ANK1: variants seen among roughly 807,000 people sequenced by gnomAD.
ANK1 encodes the protein ankyrin 1.
A neutral mutation model predicts 210.4 loss-of-function variants in ANK1; 51 were observed. The observed-to-expected ratio is 0.24, with a 90% CI of 0.19 to 0.31. ANK1 has a LOEUF of 0.31. ANK1 is among the 10% of genes least tolerant of loss of function. The pLI is 1.00. For synonymous variants in ANK1, 967 were observed against 1,025.9 expected (o/e 0.94, Z 1.10); for missense variants, 2,051 against 2,504.4 (o/e 0.82, Z 3.86).
chr8:41,781,396 T>C (rs1315966913), intron 1 of ANK1, among the ~76,000 whole-genome samples: 1 of 152,212 alleles, frequency 6.6e-6, no homozygotes, highest in Non-Finnish European at 1.5e-5. Flanking sequence ...AGACGCCTTT[T>C]AGGCAGAATT....
At chr8:41,816,243 A>G (rs1803307787) in intron 1 of ANK1, among the ~76,000 whole-genome samples, 1 of 152,178 alleles carries the variant, frequency 6.6e-6, no homozygotes, top group Non-Finnish European at 1.5e-5. Flanking sequence ...TAAAAAGTTA[A>G]ATAATTGGAC....
chr8:41,822,064 A>AAGAGAGAGAGAGAGAGAGAGAG (rs10605195), intron 1 of ANK1, among the ~76,000 whole-genome samples: 3 of 36,236 alleles, frequency 8.3e-5, no homozygotes, highest in African/African-American at 1.5e-4. Context: ...GAAAGAAAGA[A>AAGAGAGAGAGAGAGAGAGAGAG]AGAGAGAGAG....
At chr8:41,723,721 C>G in intron 7 of ANK1, 88 bp from the exon 8 acceptor site, 1 of 1,126,086 alleles carries the variant, frequency 8.9e-7, no homozygotes, top group Non-Finnish European at 1.3e-6. Context: ...CCCCAGCCCC[C>G]AGTCCCCAGG....
At chr8:41,875,621 T>C (rs1473530960) in intron 1 of ANK1, among the ~76,000 whole-genome samples, 1 of 152,226 alleles carries the variant, frequency 6.6e-6, no homozygotes, top group Non-Finnish European at 1.5e-5. Flanking sequence ...TTTCTCCTCC[T>C]GTGCCAGGGA....
Position 41,725,856 on chromosome 8 carries a change from G to C in ANK1, c.517C>G (p.Arg173Gly). The change falls in exon 6 of 43, where the codon CGC becomes GGC. Residue 173 changes from arginine (R) to glycine (G), a missense_variant. This residue lies in a region of ANK1 where 1,413 missense variants were observed against 1,707.4 expected (regional missense o/e 0.83). Transcript: ENST00000289734. ...LINYGTKGKV[R>G]LPALHIAARN... ...GCCGCGATGTGCAGGGCCGGGAGGC[G>C]CACCTTCCCCTTGGTGCCGTAGTTG... 1.2e-6 allele frequency: 2 copies of C among 1,611,826 alleles called. No individual in the cohort carries two copies. Among genetic ancestry groups the C allele is most frequent in the Non-Finnish European group, 1.7e-6 (2 of 1,179,504 alleles).
chr8:41,830,280 A>G (rs1189784331), intron 1 of ANK1, among the ~76,000 whole-genome samples: 1 of 150,316 alleles, frequency 6.7e-6, no homozygotes, highest in African/African-American at 2.5e-5. Context: ...TTCAAAATAC[A>G]CACATTTCTA....
intron 39 of ANK1, chr8:41,664,843 T>C: frequency 1.9e-6 from 3 of 1,612,576 alleles, no homozygotes; most frequent in East Asian, 2.2e-5. Flanking sequence ...CTGGTGGAGA[T>C]GGTCTCCTCG....
chr8:41,710,895 G>A (rs1235320526), intron 16 of ANK1, among the ~76,000 whole-genome samples: 1 of 152,268 alleles, frequency 6.6e-6, no homozygotes, highest in African/African-American at 2.4e-5. Context: ...GGGCCCATAG[G>A]TGGCTTTTGT....
At chr8:41,673,738 C>G (rs1428233231) in intron 37 of ANK1, among the ~76,000 whole-genome samples, 1 of 152,216 alleles carries the variant, frequency 6.6e-6, no homozygotes, top group East Asian at 1.9e-4. Context: ...GCCCTGAGTG[C>G]ATGACCCGTG....
At chr8:41,660,246 T>TC in intron 42 of ANK1, among the ~76,000 whole-genome samples, 1 of 152,096 alleles carries the variant, frequency 6.6e-6, no homozygotes, top group Admixed American at 6.5e-5. Flanking sequence ...TGCTGAGATA[T>TC]ATTGGGAAGC....
chr8:41,786,294 G>T (rs1846383171), intron 1 of ANK1, among the ~76,000 whole-genome samples: 1 of 152,078 alleles, frequency 6.6e-6, no homozygotes, highest in Admixed American at 6.5e-5. Context: ...TCTACAGGCA[G>T]CCCTGGGTGT....
intron 37 of ANK1, among the ~76,000 whole-genome samples, chr8:41,679,858 C>T (rs973972891): frequency 2.6e-5 from 4 of 152,034 alleles, no homozygotes; most frequent in African/African-American, 9.7e-5. Flanking sequence ...GCCACCGCGC[C>T]CGGCCTTCCT....
chr8:41,699,357 G>A, intron 23 of ANK1, 95 bp downstream of exon 23: 1 of 1,175,302 alleles, frequency 8.5e-7, no homozygotes, highest in Non-Finnish European at 1.3e-6. Flanking sequence ...CCCAGCGCCT[G>A]GCCTGCTGTG....
chr8:41,871,874 T>C (rs941751529), intron 1 of ANK1, among the ~76,000 whole-genome samples: 3 of 152,084 alleles, frequency 2.0e-5, no homozygotes, highest in African/African-American at 7.2e-5. Context: ...GCTTGCTTGC[T>C]CTGAACCCAC....
At chr8:41,698,223 G>A in intron 23 of ANK1, 102 bp from the exon 24 acceptor site, 1 of 1,146,742 alleles carries the variant, frequency 8.7e-7, no homozygotes, top group Admixed American at 1.9e-5. Context: ...TTCCACTCCA[G>A]AGCCTGACTG....
Position 41,661,542 on chromosome 8 carries a change from A to G in ANK1, c.5567T>C (p.Leu1856Pro). ...CCTGCCCTCTATCAGGTCCGGCTGTAGGCCACTCCCTCTCAGCTCCACCTG... is the reference window on the plus strand; with the variant it reads ...CCTGCCCTCTATCAGGTCCGGCTGTGGGCCACTCCCTCTCAGCTCCACCTG... ...HEEVELRGSG[L>P]QPDLIEGRKG... The change falls in exon 42 of 43, where the codon CTA (leucine) becomes CCA (proline). Residue 1856 changes from leucine to proline, a missense_variant. Leu to Pro is a moderately conservative substitution (Grantham distance 98, BLOSUM62 -3). Coordinates refer to ENST00000289734, the MANE Select transcript of ANK1 (RefSeq NM_000037.4). The G allele has an allele frequency of 1.2e-6, 2 of 1,614,024 alleles. No individual in the cohort carries two copies. Among genetic ancestry groups the G allele is most frequent in the Non-Finnish European group, 1.7e-6 (2 of 1,180,026 alleles).
At chr8:41,786,661 C>CA (rs1399487731) in intron 1 of ANK1, among the ~76,000 whole-genome samples, 1 of 152,208 alleles carries the variant, frequency 6.6e-6, no homozygotes, top group Non-Finnish European at 1.5e-5. Context: ...CAGCACTCAC[C>CA]ACCAGGCCCC....
intron 1 of ANK1, among the ~76,000 whole-genome samples, chr8:41,887,386 G>A (rs1398445480): frequency 6.6e-6 from 1 of 151,542 alleles, no homozygotes; most frequent in East Asian, 1.9e-4. Flanking sequence ...GAGTAGGTGG[G>A]ACTACAGGCA....
At position 41,686,288 on chromosome 8, in the gene ANK1, A is replaced by C; in HGVS notation, c.4259-5T>G. 6.2e-7 allele frequency: 1 copy of C among 1,613,442 alleles called. No homozygotes were observed. The highest frequency in any genetic ancestry group is 8.5e-7 in the Non-Finnish European group (1 of 1,180,014). On this transcript the variant is annotated splice_polypyrimidine_tract_variant and splice_region_variant and intron_variant, in intron 35 of 42. Coordinates refer to ENST00000289734, the MANE Select transcript of ANK1 (RefSeq NM_000037.4). ...ACTGCAGCTCCCGGGCCAACTCTGC[A>C]AGCAAAGAACCAACAGCAGATGTGA...
Sources: gnomAD v4.1 joint callset for allele counts (sites outside exome capture counted in the v4.1 genomes callset) on GRCh38, gnomAD v4.1.1 for gene constraint, gnomAD v4.1.1 regional missense constraint, MANE v1.5 for transcripts, NCBI Gene and HGNC (gene_info 2026-07-23, HGNC 2026-07-21) for gene names.